NUBPL: variants seen among roughly 807,000 people sequenced by gnomAD.
The protein encoded by NUBPL is NUBP iron-sulfur cluster assembly factor, mitochondrial, also known as iron-sulfur cluster transfer protein NUBPL.
In NUBPL, 31 loss-of-function variants were observed where a neutral mutation model predicts 45.7. The observed-to-expected ratio is 0.68, with a 90% CI of 0.51 to 0.92. The LOEUF (loss-of-function observed/expected upper bound fraction) is 0.92, where lower values mean the gene tolerates loss of function less well. Ranked by LOEUF, NUBPL falls within the 40% of genes least tolerant of loss-of-function variation. NUBPL has a pLI of 0.00. For missense variants in NUBPL, 401 were observed against 398.7 expected (o/e 1.01, Z -0.05); for synonymous variants, 144 against 140.9 (o/e 1.02, Z -0.15).
At chr14:31,602,606 G>A (rs1299438770) in intron 4 of NUBPL, among the ~76,000 whole-genome samples, 1 of 152,068 alleles carries the variant, frequency 6.6e-6, no homozygotes, top group African/African-American at 2.4e-5. Context: ...TATGACTTGA[G>A]TAAATTGTTT....
chr14:31,730,561 TC>T (rs1450208297), intron 6 of NUBPL, among the ~76,000 whole-genome samples: 2 of 151,932 alleles, frequency 1.3e-5, no homozygotes, highest in Non-Finnish European at 2.9e-5. Context: ...CCTCCTGGGT[TC>T]ACGCCATTCT....
At chr14:31,751,721 C>T (rs924977431) in intron 6 of NUBPL, among the ~76,000 whole-genome samples, 7 of 152,216 alleles carry the variant, frequency 4.6e-5, no homozygotes, top group African/African-American at 1.4e-4. Context: ...CCCTCTTCTC[C>T]CAGCTCCACT....
intron 4 of NUBPL, among the ~76,000 whole-genome samples, chr14:31,621,289 C>T (rs79449806): frequency 4.6e-5 from 7 of 152,128 alleles, no homozygotes; most frequent in South Asian, 2.1e-4. Context: ...GGGGAGTGAA[C>T]GGTTTTTTTT....
At chr14:31,594,670 A>G (rs1019552806) in intron 3 of NUBPL, among the ~76,000 whole-genome samples, 6 of 152,170 alleles carry the variant, frequency 3.9e-5, no homozygotes, top group Non-Finnish European at 7.3e-5. Flanking sequence ...CTTGTTAACC[A>G]TTAGCTCTTC....
chr14:31,844,475 C>G (rs2040422512), intron 8 of NUBPL: 1 of 152,152 alleles, frequency 6.6e-6, no homozygotes, highest in East Asian at 1.9e-4. Flanking sequence ...ACTGAATTCC[C>G]AAAACACAGC....
At chr14:31,709,627 T>C (rs2037526973) in intron 6 of NUBPL, among the ~76,000 whole-genome samples, 4 of 152,210 alleles carry the variant, frequency 2.6e-5, no homozygotes, top group African/African-American at 9.6e-5. Context: ...GATAGAAGAT[T>C]TGTCCTAGAC....
At chr14:31,684,975 A>T (rs566031841) in intron 6 of NUBPL, among the ~76,000 whole-genome samples, 1 of 152,340 alleles carries the variant, frequency 6.6e-6, no homozygotes, top group East Asian at 1.9e-4. Context: ...ACAGGAAAAG[A>T]AGTAGTTCAA....
intron 6 of NUBPL, among the ~76,000 whole-genome samples, chr14:31,767,232 GCT>G (rs1387879423): frequency 2.0e-5 from 3 of 152,012 alleles, no homozygotes; most frequent in African/African-American, 7.2e-5. Context: ...ACGGAGTTTC[GCT>G]CTTTCAGCTC....
chr14:31,763,677 A>G (rs1197147218), intron 6 of NUBPL, among the ~76,000 whole-genome samples: 1 of 152,212 alleles, frequency 6.6e-6, no homozygotes, highest in Non-Finnish European at 1.5e-5. Context: ...TTTTCTGATG[A>G]AAAGTAGCTT....
intron 6 of NUBPL, among the ~76,000 whole-genome samples, chr14:31,708,107 T>G (rs958196337): frequency 6.6e-6 from 1 of 152,236 alleles, no homozygotes; most frequent in Non-Finnish European, 1.5e-5. Flanking sequence ...TGGGTACAAC[T>G]GGATATAGAG....
intron 7 of NUBPL, among the ~76,000 whole-genome samples, chr14:31,815,992 T>G (rs558166786): frequency 6.6e-6 from 1 of 152,270 alleles, no homozygotes; most frequent in South Asian, 2.1e-4. Context: ...GGGCCTGAAA[T>G]TTTCTTTTTT....
chr14:31,742,035 C>T (rs2038295295), intron 6 of NUBPL, among the ~76,000 whole-genome samples: 1 of 151,862 alleles, frequency 6.6e-6, no homozygotes, highest in Non-Finnish European at 1.5e-5. Context: ...CTCTCCCTCC[C>T]CCTAAAAAAG....
At chr14:31,813,664 C>A (rs1174561023) in intron 7 of NUBPL, among the ~76,000 whole-genome samples, 1 of 152,066 alleles carries the variant, frequency 6.6e-6, no homozygotes. Flanking sequence ...TTAGGTATTT[C>A]TCCTAATGCT....
At position 31,756,465 on chromosome 14, in the gene NUBPL, G is replaced by T. The variant is rs180915298; in HGVS notation, c.514-31315G>T. On this transcript the variant is annotated intron_variant, in intron 6 of 10. Coordinates refer to ENST00000281081, the MANE Select transcript of NUBPL (RefSeq NM_025152.3). ...GAGTTTTATTCTGTTTGAAGCAATT[G>T]TGAATGGGAGTTCACTCATGATTTG... 9.9e-5 allele frequency among the ~76,000 whole-genome samples: 15 copies of T among 152,108 alleles called. No homozygotes were observed. In the East Asian group the frequency reaches 1.9e-3, roughly 20 times the overall value.
At chr14:31,759,893 G>C (rs1256122901) in intron 6 of NUBPL, among the ~76,000 whole-genome samples, 1 of 151,176 alleles carries the variant, frequency 6.6e-6, no homozygotes, top group Non-Finnish European at 1.5e-5. Context: ...TAAGTGTTCT[G>C]AGCATGTTTA....
At chr14:31,651,236 A>C (rs952391478) in intron 4 of NUBPL, among the ~76,000 whole-genome samples, 1 of 152,064 alleles carries the variant, frequency 6.6e-6, no homozygotes, top group Non-Finnish European at 1.5e-5. Context: ...GGGTTCAAGC[A>C]ATTCTTGTGC....
intron 4 of NUBPL, among the ~76,000 whole-genome samples, chr14:31,608,788 T>C (rs1368690182): frequency 6.6e-6 from 1 of 152,200 alleles, no homozygotes; most frequent in Non-Finnish European, 1.5e-5. Flanking sequence ...TTCCCTTGCC[T>C]GCTACTCACC....
chr14:31,813,335 C>T (rs2039849931), intron 7 of NUBPL, among the ~76,000 whole-genome samples: 1 of 151,874 alleles, frequency 6.6e-6, no homozygotes, highest in African/African-American at 2.4e-5. Context: ...TGACTTGAAG[C>T]CCATTTAACT....
chr14:31,665,831 G>A (rs2036395265), intron 4 of NUBPL, among the ~76,000 whole-genome samples: 1 of 152,060 alleles, frequency 6.6e-6, no homozygotes, highest in Non-Finnish European at 1.5e-5. Flanking sequence ...ACAGTGGGGT[G>A]TTAAAGTCTC....
Sources: gnomAD v4.1 joint callset for allele counts (sites outside exome capture counted in the v4.1 genomes callset) on GRCh38, gnomAD v4.1.1 for gene constraint, MANE v1.5 for transcripts, NCBI Gene and HGNC (gene_info 2026-07-23, HGNC 2026-07-21) for gene names.